THRA: variants seen among roughly 807,000 people sequenced by gnomAD.
THRA encodes the protein EAR-7.
THRA carries 13 observed loss-of-function variants against 45.0 expected under a neutral mutation model. That is an observed-to-expected ratio of 0.29 (90% CI 0.19 to 0.46). The LOEUF is 0.46. Ranked by LOEUF, THRA falls within the 20% of genes least tolerant of loss-of-function variation. The pLI is 1.00. For synonymous variants in THRA, 195 were observed against 214.0 expected, an observed-to-expected ratio of 0.91 and a Z score of 0.78; for missense variants, 278 against 556.1, an observed-to-expected ratio of 0.50 and a Z score of 5.03.
chr17:40,065,994 C>T (rs1986548977), intron 1 of THRA, among the ~76,000 whole-genome samples: 1 of 152,242 alleles, frequency 6.6e-6, no homozygotes, highest in South Asian at 2.1e-4. Flanking sequence ...CACTGCAGGG[C>T]TCACAATGGC....
chr17:40,089,084 C>A lies in THRA; in HGVS notation c.983-122C>A. 1.1e-6 allele frequency: 1 copy of A among 934,726 alleles called. No homozygotes were observed. Among genetic ancestry groups the A allele is most frequent in the Non-Finnish European group, 1.6e-6 (1 of 620,954 alleles). 57.9% of individuals were successfully genotyped at this position (934,726 alleles called of 1,614,324 possible). A position where few individuals can be genotyped will look rare whatever the true frequency, so the allele number is the denominator to read the frequency against. On this transcript the variant is annotated intron_variant, in intron 8 of 8. Transcript: ENST00000450525. This position sits in a 1 kb window ranked among gnomAD's most constrained non-coding sequence, Gnocchi z 6.1. ...TCAGGGGGAGCTTCTCCCCTCCCCT[C>A]CCCCAGCCTCTCTGCCTCTATCTCC...
intron 4 of THRA, among the ~76,000 whole-genome samples, chr17:40,080,055 C>A (rs1213187445): frequency 6.6e-6 from 1 of 150,790 alleles, no homozygotes; most frequent in African/African-American, 2.4e-5. Context: ...GGTGACAGAG[C>A]GACAGAGTGA....
At chr17:40,077,395 G>T in intron 3 of THRA, 113 bp from the exon 4 acceptor site, 1 of 832,148 alleles carries the variant, frequency 1.2e-6, no homozygotes. Context: ...CAGGGAGGCT[G>T]GGCTAGGAGA....
chr17:40,089,096 C>T lies in THRA; in HGVS notation c.983-110C>T. The T allele has an allele frequency of 9.6e-7, 1 of 1,045,410 alleles. No individual in the cohort carries two copies. The highest frequency in any genetic ancestry group is 1.5e-5 in the South Asian group (1 of 67,888). The allele number at this position is 1,045,410 out of a possible 1,614,324, so 64.8% of individuals were successfully genotyped here. A position where few individuals can be genotyped will look rare whatever the true frequency, so the allele number is the denominator to read the frequency against. On this transcript the variant is annotated intron_variant, in intron 8 of 8. Coordinates refer to ENST00000450525, the MANE Select transcript of THRA (RefSeq NM_199334.5). The surrounding 1 kb of genome is among the most constrained non-coding windows in gnomAD (Gnocchi z 6.1). ...TCTCCCCTCCCCTCCCCCAGCCTCT[C>T]TGCCTCTATCTCCCCTCTAGTCCTT... is the stretch of plus-strand genomic sequence containing the variant.
At chr17:40,080,816 A>G (rs1031508638) in intron 4 of THRA, among the ~76,000 whole-genome samples, 17 of 145,652 alleles carry the variant, frequency 1.2e-4, no homozygotes, top group African/African-American at 4.3e-4. Context: ...TCTGCCTCCC[A>G]GGTTCAAGCA....
chr17:40,081,762 G>A (rs1022700027), intron 4 of THRA, among the ~76,000 whole-genome samples: 3 of 151,576 alleles, frequency 2.0e-5, no homozygotes, highest in Non-Finnish European at 2.9e-5. Context: ...TCAGGAGTTC[G>A]AGACCAGCCT....
intron 1 of THRA, among the ~76,000 whole-genome samples, chr17:40,063,704 G>A (rs563075727): frequency 4.6e-5 from 7 of 152,268 alleles, no homozygotes; most frequent in South Asian, 4.1e-4. Flanking sequence ...TGTGTGGAAG[G>A]GGTGTACTTG....
At chr17:40,080,908 G>A (rs1347632509) in intron 4 of THRA, among the ~76,000 whole-genome samples, 1 of 151,840 alleles carries the variant, frequency 6.6e-6, no homozygotes, top group Non-Finnish European at 1.5e-5. Flanking sequence ...ATTTTTAGTA[G>A]AGACAAGGTT....
chr17:40,074,873 C>A (rs1196397418), intron 2 of THRA, among the ~76,000 whole-genome samples: 1 of 152,256 alleles, frequency 6.6e-6, no homozygotes, highest in Non-Finnish European at 1.5e-5. Context: ...GGGATCCAAA[C>A]AGCCTTGCCA....
intron 4 of THRA, among the ~76,000 whole-genome samples, chr17:40,083,069 A>AG (rs1987202138): frequency 6.7e-6 from 1 of 150,108 alleles, no homozygotes; most frequent in African/African-American, 2.5e-5. Context: ...CTGGGACTAC[A>AG]GCGCCCACCA....
intron 4 of THRA, among the ~76,000 whole-genome samples, chr17:40,080,665 A>T (rs1987105082): frequency 6.7e-6 from 1 of 148,764 alleles, no homozygotes; most frequent in Admixed American, 6.7e-5. Flanking sequence ...TTTATTTTGT[A>T]GTTCTGGAGT....
In THRA at chr17:40,084,680, G is replaced by A. The variant is rs1367628384; in HGVS notation, c.441G>A (p.Lys147=). The change falls in exon 6 of 9, where the codon AAG becomes AAA. Residue 147 remains lysine (K), a synonymous_variant. Transcript: ENST00000450525. ...LIEQNRERRR[K]EEMIRSLQQR... The stretch of plus-strand genomic sequence containing the variant: ...AGCAGAACCGGGAGCGGCGGCGGAA[G>A]GAGGAGATGATCCGATCACTGCAGC... 8 of 1,614,102 alleles carry A rather than the reference G, an allele frequency of 5.0e-6. No homozygotes were observed. The highest frequency in any genetic ancestry group is 6.8e-6 in the Non-Finnish European group (8 of 1,180,000).
chr17:40,075,351 G>A (rs1227468562), intron 2 of THRA, among the ~76,000 whole-genome samples: 6 of 152,174 alleles, frequency 3.9e-5, no homozygotes, highest in African/African-American at 1.4e-4. Context: ...TGTTGCCTAG[G>A]AGATCAGATC....
intron 1 of THRA, among the ~76,000 whole-genome samples, chr17:40,070,894 C>T (rs1326156930): frequency 6.6e-6 from 1 of 150,604 alleles, no homozygotes; most frequent in Middle Eastern, 3.4e-3. Flanking sequence ...TTACCTTTCT[C>T]TCTTTGTCTC....
chr17:40,066,464 G>A (rs554548729), intron 1 of THRA, among the ~76,000 whole-genome samples: 1 of 152,204 alleles, frequency 6.6e-6, no homozygotes, highest in South Asian at 2.1e-4. Flanking sequence ...AGGAGTTCAA[G>A]ACCAGTCTGA....
At chr17:40,093,497 C>T, downstream of THRA, 1 of 1,435,962 alleles carries the variant, frequency 7.0e-7, no homozygotes, top group Non-Finnish European at 9.2e-7. This position sits in a 1 kb window ranked among gnomAD's most constrained non-coding sequence, Gnocchi z 5.9. Context: ...CAGGGCTGGT[C>T]ACCTCCCATC....
At position 40,088,410 on chromosome 17, in the gene THRA, G is replaced by A. The variant is rs1346670748; in HGVS notation, c.892G>A (p.Ala298Thr). 1.2e-6 allele frequency: 2 copies of A among 1,614,128 alleles called. No homozygotes were observed. The highest frequency in any genetic ancestry group is 8.5e-7 in the Non-Finnish European group (1 of 1,179,994). The change falls in exon 8 of 9, where the codon GCC (alanine) becomes ACC (threonine). Residue 298 changes from alanine to threonine, a missense_variant. Transcript: ENST00000450525. Reference sequence around the variant, plus strand: ...TGGCGGCCTGGGCGTAGTCTCCGACGCCATCTTTGAACTGGGCAAGTCACT... The same window carrying A: ...TGGCGGCCTGGGCGTAGTCTCCGACACCATCTTTGAACTGGGCAAGTCACT... ...KNGGLGVVSD[A>T]IFELGKSLSA...
At position 40,074,391 on chromosome 17, in the gene THRA, G is replaced by A. The variant is rs1986879286; in HGVS notation, c.-98G>A. ...GGGTGCTGTGCCCTAGGGCCTGGGT[G>A]GCAGGGGGTGGGTGGCCTGTGGGTG... On this transcript the variant is annotated 5_prime_UTR_variant, in exon 2 of 9. Transcript: ENST00000450525. 6 of 1,333,344 alleles carry A rather than the reference G, an allele frequency of 4.5e-6. No homozygotes were observed. Among genetic ancestry groups the A allele is most frequent in the South Asian group, 3.7e-5 (3 of 82,070 alleles). The allele number at this position is 1,333,344 out of a possible 1,614,324, so 82.6% of individuals were successfully genotyped here.
At chr17:40,078,451 G>A (rs780399078) in intron 4 of THRA, among the ~76,000 whole-genome samples, 1 of 152,096 alleles carries the variant, frequency 6.6e-6, no homozygotes, top group African/African-American at 2.4e-5. Flanking sequence ...ACTGCACTCC[G>A]GCCTGGGTGA....
Sources: gnomAD v4.1 joint callset for allele counts (sites outside exome capture counted in the v4.1 genomes callset) on GRCh38, gnomAD v4.1.1 for gene constraint, Gnocchi (gnomAD v3.1) non-coding constraint, MANE v1.5 for transcripts, NCBI Gene and HGNC (gene_info 2026-07-23, HGNC 2026-07-21) for gene names.